Variants in CNTN6 observed in about 807,000 individuals in gnomAD.
The protein encoded by CNTN6 is contactin-6.
Under a neutral mutation model 122.8 loss-of-function variants are expected in CNTN6, and 137 were observed. The ratio of observed to expected loss-of-function variants is 1.12; its 90% confidence interval spans 0.97 to 1.29. The LOEUF is 1.29. CNTN6 is among the 50% of genes most tolerant of loss of function. The pLI is 0.00. For synonymous variants in CNTN6, 570 were observed against 426.0 expected, an observed-to-expected ratio of 1.34 and a Z score of -4.16; for missense variants, 1,634 against 1,223.4, an observed-to-expected ratio of 1.34 and a Z score of -5.01.
intron 1 of CNTN6, among the ~76,000 whole-genome samples, chr3:1,141,556 C>T (rs1280046410): frequency 6.6e-6 from 1 of 152,108 alleles, no homozygotes; most frequent in Non-Finnish European, 1.5e-5. Flanking sequence ...GTAGTTTCTA[C>T]TTTTCCTGCT....
At chr3:1,308,527 G>A (rs907501495) in intron 7 of CNTN6, among the ~76,000 whole-genome samples, 2 of 152,036 alleles carry the variant, frequency 1.3e-5, no homozygotes, top group African/African-American at 4.8e-5. Context: ...AGATGACAGA[G>A]AAAAGAAGTA....
intron 11 of CNTN6, among the ~76,000 whole-genome samples, chr3:1,330,211 G>A (rs1255605773): frequency 6.6e-6 from 1 of 151,852 alleles, no homozygotes; most frequent in Non-Finnish European, 1.5e-5. Context: ...TCTACATTCA[G>A]TTTGAAGGCT....
chr3:1,136,242 C>A (rs1292074516), intron 1 of CNTN6, among the ~76,000 whole-genome samples: 1 of 152,048 alleles, frequency 6.6e-6, no homozygotes, highest in East Asian at 1.9e-4. Context: ...AGTGGGCAAC[C>A]CAAGAACAGA....
At chr3:1,322,791 G>A (rs1484047959) in intron 8 of CNTN6, among the ~76,000 whole-genome samples, 1 of 151,216 alleles carries the variant, frequency 6.6e-6, no homozygotes, top group Non-Finnish European at 1.5e-5. Context: ...ACTTTAACCT[G>A]CAATGAATAC....
At chr3:1,255,063 T>A (rs745487739) in intron 4 of CNTN6, among the ~76,000 whole-genome samples, 3 of 152,144 alleles carry the variant, frequency 2.0e-5, no homozygotes, top group Non-Finnish European at 4.4e-5. Flanking sequence ...CCTCTCATGC[T>A]CCAGCCTGCT....
intron 2 of CNTN6, among the ~76,000 whole-genome samples, chr3:1,194,878 C>T (rs2093753684): frequency 6.6e-6 from 1 of 151,980 alleles, no homozygotes; most frequent in African/African-American, 2.4e-5. Flanking sequence ...ATTTTCTGTA[C>T]TTTTGATGCT....
chr3:1,315,813 T>C (rs1223955125), intron 7 of CNTN6, among the ~76,000 whole-genome samples: 1 of 151,878 alleles, frequency 6.6e-6, no homozygotes, highest in Non-Finnish European at 1.5e-5. Context: ...ATGATCAAGG[T>C]TGTATCTCCA....
At chr3:1,336,061 CA>C (rs11319986) in intron 11 of CNTN6, among the ~76,000 whole-genome samples, 84,410 of 151,220 alleles carry the variant, frequency 0.56, 24,434 homozygotes, top group Non-Finnish European at 0.64. Flanking sequence ...AACAAACAAA[CA>C]AACAACAACA....
At chr3:1,265,520 A>G (rs1380273071) in intron 4 of CNTN6, among the ~76,000 whole-genome samples, 1 of 152,234 alleles carries the variant, frequency 6.6e-6, no homozygotes, top group Non-Finnish European at 1.5e-5. Context: ...TGATAAACAC[A>G]TGTCTATAGA....
At chr3:1,099,749 G>A in intron 1 of CNTN6, among the ~76,000 whole-genome samples, 1 of 152,088 alleles carries the variant, frequency 6.6e-6, no homozygotes, top group East Asian at 1.9e-4. Context: ...CTATGATGTT[G>A]ATGAAGTTGG....
At position 1,158,969 on chromosome 3, in the gene CNTN6, C is replaced by CACACATATATATATATATATATATAT. The variant is rs1553610778; in HGVS notation, c.55+10907_55+10908insCACATATATATATATATATATATATA. 3.8e-4 allele frequency among the ~76,000 whole-genome samples: 43 copies of CACACATATATATATATATATATATAT among 112,868 alleles called. 1 individual carries two copies. The highest frequency in any genetic ancestry group is 6.5e-4 in the East Asian group (2 of 3,096). 74.0% of individuals were successfully genotyped at this position (112,868 alleles called of 152,430 possible). A position where few individuals can be genotyped will look rare whatever the true frequency, so the allele number is the denominator to read the frequency against. On this transcript the variant is annotated intron_variant, in intron 2 of 22. Coordinates refer to ENST00000446702, the MANE Select transcript of CNTN6 (RefSeq NM_001289080.2). The stretch of plus-strand genomic sequence containing the variant: ...ATATATATATACACACACACACACA[C>CACACATATATATATATATATATATAT]ATATATATATATATAGACAAGGTCT...
At chr3:1,345,982 AT>A (rs78447390) in intron 11 of CNTN6, among the ~76,000 whole-genome samples, 2,464 of 144,206 alleles carry the variant, frequency 0.017, 30 homozygotes, top group African/African-American at 0.046. Flanking sequence ...CGATGACCTG[AT>A]TTTTTTTTTT....
At chr3:1,100,825 C>T (rs966183070) in intron 1 of CNTN6, among the ~76,000 whole-genome samples, 6 of 152,102 alleles carry the variant, frequency 3.9e-5, no homozygotes, top group Non-Finnish European at 8.8e-5. Flanking sequence ...CATTCTTAAG[C>T]TCTCAAAAAA....
intron 16 of CNTN6, among the ~76,000 whole-genome samples, chr3:1,375,157 A>C (rs1042383105): frequency 1.6e-4 from 24 of 152,052 alleles, no homozygotes; most frequent in African/African-American, 5.8e-4. Flanking sequence ...TACCCCCTGG[A>C]TCAGAATCTT....
chr3:1,300,583 AAGAAAGAAAGAAAGAAAGAAAG>A (rs781543858), intron 7 of CNTN6, among the ~76,000 whole-genome samples: 8,678 of 136,460 alleles, frequency 0.064, 438 homozygotes, highest in African/African-American at 0.16. Flanking sequence ...GAAAGAAAGA[AAGAAAGAAAGAAAGAAAGAAAG>A]AGAGAAAGAA....
chr3:1,218,557 G>A (rs1258814199), intron 2 of CNTN6, among the ~76,000 whole-genome samples: 2 of 152,066 alleles, frequency 1.3e-5, no homozygotes, highest in Non-Finnish European at 2.9e-5. Context: ...CTGAGCAGGG[G>A]GAAGAGGACG....
chr3:1,218,316 G>C (rs1047937908), intron 2 of CNTN6, among the ~76,000 whole-genome samples: 1 of 152,066 alleles, frequency 6.6e-6, no homozygotes, highest in Admixed American at 6.6e-5. Flanking sequence ...GGTTTCTGGG[G>C]GAAAGAGAGC....
chr3:1,108,898 G>A (rs923291855), intron 1 of CNTN6, among the ~76,000 whole-genome samples: 3 of 151,918 alleles, frequency 2.0e-5, no homozygotes, highest in East Asian at 3.9e-4. Context: ...TTGTCAGACT[G>A]TTTAGACACT....
At chr3:1,344,979 C>CT (rs569838718) in intron 11 of CNTN6, among the ~76,000 whole-genome samples, 1 of 151,894 alleles carries the variant, frequency 6.6e-6, no homozygotes, top group Non-Finnish European at 1.5e-5. Flanking sequence ...GTCTCTTTTG[C>CT]TTTTTTTCAT....
Sources: gnomAD v4.1 joint callset for allele counts (sites outside exome capture counted in the v4.1 genomes callset) on GRCh38, gnomAD v4.1.1 for gene constraint, MANE v1.5 for transcripts, NCBI Gene and HGNC (gene_info 2026-07-23, HGNC 2026-07-21) for gene names.